The following MAGI3 variants were observed in gnomAD, a reference collection of about 807,000 sequenced individuals.
The protein encoded by MAGI3 is membrane-associated guanylate kinase, WW and PDZ domain-containing protein 3.
Under a neutral mutation model 121.8 loss-of-function variants are expected in MAGI3, and 43 were observed. That is an observed-to-expected ratio of 0.35 (90% CI 0.28 to 0.46). The LOEUF is 0.46. Ranked by LOEUF, MAGI3 falls within the 20% of genes least tolerant of loss-of-function variation. MAGI3 has a pLI of 1.00. For missense variants in MAGI3, 1,547 were observed against 1,797.3 expected (o/e 0.86, Z 2.52); for synonymous variants, 553 against 639.3 (o/e 0.86, Z 2.04).
In MAGI3 at chr1:113,673,456, C is replaced by A. The variant is rs1193357136; in HGVS notation, c.3180C>A (p.Gly1060=). Residue 1060 remains glycine, a synonymous_variant, in exon 19 of 21, where the codon GGC becomes GGA. Transcript: ENST00000307546. ...LAEDGPAIKD[G]RIHVGDQIVE... ...AAGATGGTCCTGCCATCAAAGATGGCAGAATTCATGTGAGTTGGTTTCTGT... is the reference window on the plus strand; with the variant it reads ...AAGATGGTCCTGCCATCAAAGATGGAAGAATTCATGTGAGTTGGTTTCTGT... The A allele has an allele frequency of 6.2e-7, 1 of 1,612,592 alleles. No individual in the cohort carries two copies. The highest frequency in any genetic ancestry group is 1.7e-5 in the Admixed American group (1 of 59,950).
In MAGI3 at chr1:113,671,732, A is replaced by G; in HGVS notation, c.2816-2A>G. On this transcript the variant is annotated splice_acceptor_variant, in intron 16 of 20. Transcript: ENST00000307546. LOFTEE classifies it high-confidence loss of function. ...ATTTCTATTGTTTTCTCATTTGAAC[A>G]GAGCATCATGGTCCACCATCAGGAA... The G allele has an allele frequency of 6.2e-7, 1 of 1,614,044 alleles. No individual in the cohort carries two copies. The highest frequency in any genetic ancestry group is 8.5e-7 in the Non-Finnish European group (1 of 1,179,872).
At chr1:113,423,801 G>C (rs1275048450) in intron 1 of MAGI3, among the ~76,000 whole-genome samples, 1 of 149,848 alleles carries the variant, frequency 6.7e-6, no homozygotes, top group Non-Finnish European at 1.5e-5. Flanking sequence ...TCCCGCCTGG[G>C]AATCTGTCTG....
chr1:113,584,478 C>CT (rs1648236423), intron 3 of MAGI3, among the ~76,000 whole-genome samples: 1 of 152,136 alleles, frequency 6.6e-6, no homozygotes, highest in African/African-American at 2.4e-5. Context: ...GCTAATGTCT[C>CT]TGTTTGTTCA....
chr1:113,450,528 G>A, intron 1 of MAGI3: 1 of 1,019,944 alleles, frequency 9.8e-7, no homozygotes, highest in Non-Finnish European at 1.5e-6. Flanking sequence ...GGATATGATG[G>A]TTACAATGAA....
rs1006981176 is a variant in MAGI3 at position 113,658,794 on chromosome 1, C to T, written c.2630-286C>T. ...TAGTAGCTCTTAAACAGAACAATTA[C>T]GATGAGAATGTAAAAATTAGAAAAA... On this transcript the variant is annotated intron_variant, in intron 15 of 20. Coordinates refer to ENST00000307546, the MANE Select transcript of MAGI3 (RefSeq NM_001142782.2). This position sits in a 1 kb window ranked among gnomAD's most constrained non-coding sequence, Gnocchi z 4.0. Among the ~76,000 whole-genome samples the T allele has an allele frequency of 3.9e-5, 6 of 152,120 alleles. No individual in the cohort carries two copies. In the East Asian group the frequency reaches 9.6e-4, roughly 24 times the overall value.
chr1:113,590,636 A>C lies in MAGI3; in HGVS notation c.916A>C (p.Thr306Pro). Residue 306 changes from threonine (T) to proline (P), a missense_variant, in exon 5 of 21, where the codon ACA becomes CCA. Transcript: ENST00000307546. ...PKNWEMAYTD[T>P]GMIYFIDHNT... ...AAACTGGGAAATGGCCTACACTGAC[A>C]CAGGGATGATCTACTTCATTGAGTA... 6.2e-7 allele frequency: 1 copy of C among 1,613,664 alleles called. No individual in the cohort carries two copies. The highest frequency in any genetic ancestry group is 8.5e-7 in the Non-Finnish European group (1 of 1,179,670).
chr1:113,402,950 C>T (rs1171293201), intron 1 of MAGI3, among the ~76,000 whole-genome samples: 1 of 152,036 alleles, frequency 6.6e-6, no homozygotes, highest in East Asian at 1.9e-4. Flanking sequence ...TGCTTGGGCT[C>T]TTTGTAGGTC....
chr1:113,675,708 C>T (rs899896598), intron 19 of MAGI3, among the ~76,000 whole-genome samples: 2 of 152,118 alleles, frequency 1.3e-5, no homozygotes, highest in Admixed American at 6.5e-5. Flanking sequence ...AATGGGAAGG[C>T]GCAGCATGCA....
chr1:113,411,719 GT>G (rs758713324), intron 1 of MAGI3, among the ~76,000 whole-genome samples: 227 of 143,764 alleles, frequency 1.6e-3, no homozygotes, highest in South Asian at 2.7e-3. Flanking sequence ...TAATTTTTTG[GT>G]TTTTTTTTTT....
chr1:113,683,650 TG>T lies in MAGI3; in HGVS notation c.4084del (p.Val1362LeufsTer9). 1 of 1,611,652 alleles carries T rather than the reference TG, an allele frequency of 6.2e-7. No homozygotes were observed. The highest frequency in any genetic ancestry group is 8.5e-7 in the Non-Finnish European group (1 of 1,178,928). The part of the protein sequence containing the change: ...TRSPEKKIKR[M>X]VEKSLPSKMT... ...TCTCCAGAGAAAAAAATCAAAAGAATGGTTGAGAAATCTCTTCCATCCAAAA... is the reference window on the plus strand; with the variant it reads ...TCTCCAGAGAAAAAAATCAAAAGAATGTTGAGAAATCTCTTCCATCCAAAA... On this transcript the variant is annotated frameshift_variant, in exon 21 of 21. Coordinates refer to ENST00000307546, the MANE Select transcript of MAGI3 (RefSeq NM_001142782.2). LOFTEE classifies it low-confidence loss of function (END_TRUNC).
intron 4 of MAGI3, among the ~76,000 whole-genome samples, chr1:113,590,169 C>T (rs1459501256): frequency 6.6e-6 from 1 of 152,078 alleles, no homozygotes; most frequent in Non-Finnish European, 1.5e-5. Context: ...TAGAGCCTGA[C>T]ACATAAAAGG....
chr1:113,511,060 A>C lies in MAGI3; in HGVS notation c.317-38455A>C, dbSNP rs1340976956. Reference sequence around the variant, plus strand: ...TTTGTAAATCCCTTATCCTGTGCCCATTGTGGGGACTTGACATGTGGTAGG... The same window carrying C: ...TTTGTAAATCCCTTATCCTGTGCCCCTTGTGGGGACTTGACATGTGGTAGG... On this transcript the variant is annotated intron_variant, in intron 1 of 20. Transcript: ENST00000307546. Among the ~76,000 whole-genome samples the C allele has an allele frequency of 5.9e-5, 9 of 152,306 alleles. No individual in the cohort carries two copies. In the East Asian group the frequency reaches 9.6e-4, roughly 16 times the overall value.
intron 19 of MAGI3, among the ~76,000 whole-genome samples, chr1:113,680,563 C>T (rs980908851): frequency 6.6e-6 from 1 of 152,050 alleles, no homozygotes; most frequent in Non-Finnish European, 1.5e-5. Flanking sequence ...CGAGACCATC[C>T]TGGCTAACAC....
At chr1:113,635,439 T>C (rs1188064931) in intron 9 of MAGI3, among the ~76,000 whole-genome samples, 10 of 152,224 alleles carry the variant, frequency 6.6e-5, no homozygotes, top group South Asian at 4.1e-4. Context: ...GCATGAAGCG[T>C]TGTTGAATTT....
At chr1:113,564,938 C>T (rs1660382413) in intron 2 of MAGI3, among the ~76,000 whole-genome samples, 2 of 152,020 alleles carry the variant, frequency 1.3e-5, no homozygotes, top group Admixed American at 6.6e-5. Flanking sequence ...CAACCTCCAC[C>T]TCCCAGGTTC....
intron 6 of MAGI3, among the ~76,000 whole-genome samples, chr1:113,612,852 T>G (rs1270768567): frequency 1.3e-5 from 2 of 152,170 alleles, no homozygotes; most frequent in Non-Finnish European, 2.9e-5. Context: ...AGTACATCCC[T>G]TTTAGTGAAT....
chr1:113,469,914 G>A (rs780739575), intron 1 of MAGI3, among the ~76,000 whole-genome samples: 1 of 152,062 alleles, frequency 6.6e-6, no homozygotes, highest in East Asian at 1.9e-4. Flanking sequence ...GAGGGTATAA[G>A]GTTCAAAGGA....
At chr1:113,437,986 A>G (rs569102844) in intron 1 of MAGI3, among the ~76,000 whole-genome samples, 1 of 146,110 alleles carries the variant, frequency 6.8e-6, no homozygotes, top group East Asian at 2.0e-4. Context: ...AGAGACAGGG[A>G]TCTCTCTATG....
chr1:113,545,888 T>C (rs1188019456), intron 1 of MAGI3, among the ~76,000 whole-genome samples: 1 of 152,162 alleles, frequency 6.6e-6, no homozygotes, highest in Non-Finnish European at 1.5e-5. Flanking sequence ...TAAGCTCACT[T>C]GGATGTTTTT....
Sources: allele counts gnomAD v4.1 joint callset (sites outside exome capture counted in the v4.1 genomes callset), GRCh38; gene constraint gnomAD v4.1.1; non-coding constraint Gnocchi (gnomAD v3.1); transcripts MANE v1.5; gene names NCBI Gene and HGNC (gene_info 2026-07-23, HGNC 2026-07-21).